Variants in MYO3B observed in about 807,000 individuals in gnomAD.
MYO3B encodes the protein myosin IIIB, also known as myosin-IIIb.
In MYO3B, 156 loss-of-function variants were observed where a neutral mutation model predicts 174.6. The ratio of observed to expected loss-of-function variants is 0.89; its 90% confidence interval spans 0.78 to 1.02. The LOEUF is 1.02. Among genes scored for constraint, MYO3B ranks in the 50% least tolerant of loss-of-function variants. MYO3B has a pLI of 0.00. For synonymous variants in MYO3B, 563 were observed against 569.1 expected (o/e 0.99, Z 0.15); for missense variants, 1,632 against 1,639.4 (o/e 1.00, Z 0.08).
intron 7 of MYO3B, among the ~76,000 whole-genome samples, chr2:170,273,032 G>T (rs755849902): frequency 1.3e-5 from 2 of 152,078 alleles, no homozygotes; most frequent in Non-Finnish European, 2.9e-5. Flanking sequence ...ATGGGTTGGG[G>T]TGGGGTAGTG....
intron 13 of MYO3B, 64 bp from the exon 14 acceptor site, chr2:170,387,042 C>A: frequency 6.5e-7 from 1 of 1,543,474 alleles, no homozygotes; most frequent in Non-Finnish European, 8.9e-7. Context: ...AGGGATGGTG[C>A]CTGGCAACTT....
At chr2:170,427,651 C>T (rs1016169119) in intron 22 of MYO3B, among the ~76,000 whole-genome samples, 4 of 152,132 alleles carry the variant, frequency 2.6e-5, no homozygotes, top group Non-Finnish European at 4.4e-5. Flanking sequence ...CAGTATGCCT[C>T]TCCTTATTTT....
rs1048762678 is a variant in MYO3B, at chr2:170,243,517, T to C, written c.749+7381T>C. Among the ~76,000 whole-genome samples, 12 of 152,364 alleles carry C rather than the reference T, an allele frequency of 7.9e-5. 1 individual carries two copies. The highest frequency in any genetic ancestry group is 2.9e-4 in the African/African-American group (12 of 41,590). On this transcript the variant is annotated intron_variant, in intron 7 of 34. Coordinates refer to ENST00000408978, the MANE Select transcript of MYO3B (RefSeq NM_138995.5). ...CACTTTCAAGTTCACCAGTGTGAAC[T>C]TGACCAAGTTACTGCATGTCTGTGT...
intron 28 of MYO3B, among the ~76,000 whole-genome samples, chr2:170,511,872 T>C (rs1307571180): frequency 1.3e-5 from 2 of 152,148 alleles, no homozygotes; most frequent in Non-Finnish European, 2.9e-5. Flanking sequence ...TCTATGAAGC[T>C]ACCAGAAGCA....
intron 25 of MYO3B, among the ~76,000 whole-genome samples, chr2:170,491,536 C>G (rs1055774163): frequency 6.6e-6 from 1 of 152,186 alleles, no homozygotes; most frequent in Non-Finnish European, 1.5e-5. Flanking sequence ...CGCCATTCTC[C>G]TGCCTCAGCC....
At chr2:170,641,861 G>T (rs1195973413) in intron 32 of MYO3B, among the ~76,000 whole-genome samples, 10 of 78,338 alleles carry the variant, frequency 1.3e-4, no homozygotes, top group South Asian at 4.8e-4. Flanking sequence ...TGTTAAGTGG[G>T]GGGGGGGGGG....
At position 170,392,374 on chromosome 2, in the gene MYO3B, C is replaced by T; in HGVS notation, c.1677-7C>T. ...CATTCTGTTTGGTCATGCTCCACTT[C>T]ATTTAGGTACATAGCTGATGAAACT... On this transcript the variant is annotated splice_polypyrimidine_tract_variant and splice_region_variant and intron_variant, in intron 15 of 34. Transcript: ENST00000408978. 3.8e-6 allele frequency: 6 copies of T among 1,574,426 alleles called. No individual in the cohort carries two copies. The highest frequency in any genetic ancestry group is 5.2e-6 in the Non-Finnish European group (6 of 1,153,162).
intron 25 of MYO3B, among the ~76,000 whole-genome samples, chr2:170,476,489 G>A (rs1418184213): frequency 6.6e-6 from 1 of 152,118 alleles, no homozygotes; most frequent in Non-Finnish European, 1.5e-5. Context: ...TGGGATGGAT[G>A]GAGAGCTGGA....
chr2:170,565,440 G>A (rs149808477), intron 32 of MYO3B, among the ~76,000 whole-genome samples: 2 of 152,316 alleles, frequency 1.3e-5, no homozygotes, highest in Non-Finnish European at 1.5e-5. Context: ...ACTGCTCAAC[G>A]TGGTACCTAG....
chr2:170,296,368 A>G (rs1559367250), intron 7 of MYO3B, among the ~76,000 whole-genome samples: 2 of 152,232 alleles, frequency 1.3e-5, no homozygotes, highest in Admixed American at 6.5e-5. Context: ...TTCTGTCCGT[A>G]TAACCATTGG....
At chr2:170,582,840 TTC>T (rs72374624) in intron 32 of MYO3B, among the ~76,000 whole-genome samples, 3,974 of 152,114 alleles carry the variant, frequency 0.026, 161 homozygotes, top group African/African-American at 0.09. Flanking sequence ...CAATGGGATT[TTC>T]TCTCTCCCTC....
intron 25 of MYO3B, among the ~76,000 whole-genome samples, chr2:170,473,800 A>C (rs2105989476): frequency 6.6e-6 from 1 of 152,284 alleles, no homozygotes; most frequent in East Asian, 1.9e-4. Context: ...TAGGACAAGG[A>C]AGACTCTCTC....
intron 22 of MYO3B, among the ~76,000 whole-genome samples, chr2:170,436,848 GT>G (rs960136397): frequency 6.6e-6 from 1 of 152,056 alleles, no homozygotes; most frequent in Non-Finnish European, 1.5e-5. Flanking sequence ...ACCTTTCATA[GT>G]TTTTTTGACT....
At chr2:170,263,010 G>T (rs1008554852) in intron 7 of MYO3B, among the ~76,000 whole-genome samples, 3 of 152,134 alleles carry the variant, frequency 2.0e-5, no homozygotes, top group Admixed American at 6.6e-5. Context: ...ATGACTTGAA[G>T]GATAAATTGG....
chr2:170,491,873 G>T (rs527949751), intron 25 of MYO3B, among the ~76,000 whole-genome samples: 1 of 152,236 alleles, frequency 6.6e-6, no homozygotes, highest in South Asian at 2.1e-4. Flanking sequence ...GGTCAATGTG[G>T]CAAAACCCTG....
intron 7 of MYO3B, among the ~76,000 whole-genome samples, chr2:170,278,467 C>T (rs924862834): frequency 6.6e-6 from 1 of 152,038 alleles, no homozygotes; most frequent in African/African-American, 2.4e-5. Flanking sequence ...CATTCTAGTG[C>T]ATAAATTTTT....
chr2:170,550,363 C>T (rs2106223470), intron 32 of MYO3B, among the ~76,000 whole-genome samples: 1 of 152,308 alleles, frequency 6.6e-6, no homozygotes, highest in Non-Finnish European at 1.5e-5. Context: ...TCCAGAATCA[C>T]CTAGAATGCT....
At chr2:170,204,903 CA>C (rs1168887709) in intron 3 of MYO3B, among the ~76,000 whole-genome samples, 2 of 128,958 alleles carry the variant, frequency 1.6e-5, no homozygotes, top group East Asian at 2.5e-4. Context: ...TTTCACTGAA[CA>C]TTTATTCTGA....
chr2:170,435,819 A>G (rs2094749462), intron 22 of MYO3B, among the ~76,000 whole-genome samples: 1 of 152,242 alleles, frequency 6.6e-6, no homozygotes, highest in African/African-American at 2.4e-5. Flanking sequence ...GAACCCAGCT[A>G]CAAGTCCTAT....
Sources: allele counts gnomAD v4.1 joint callset (sites outside exome capture counted in the v4.1 genomes callset), GRCh38; gene constraint gnomAD v4.1.1; transcripts MANE v1.5; gene names NCBI Gene and HGNC (gene_info 2026-07-23, HGNC 2026-07-21).